Variants in COL19A1 observed in about 807,000 individuals in gnomAD.
COL19A1 encodes the protein collagen type XIX alpha 1 chain.
A neutral mutation model predicts 190.2 loss-of-function variants in COL19A1; 159 were observed. The ratio of observed to expected loss-of-function variants is 0.84; its 90% CI spans 0.73 to 0.95. The LOEUF (loss-of-function observed/expected upper bound fraction) is 0.95. Among genes scored for constraint, COL19A1 ranks in the 40% least tolerant of loss-of-function variants. The pLI is 0.00. For synonymous variants in COL19A1, 509 were observed against 458.9 expected, an observed-to-expected ratio of 1.11 and a Z score of -1.39; for missense variants, 1,418 against 1,431.9, an observed-to-expected ratio of 0.99 and a Z score of 0.16.
In COL19A1 at chr6:70,156,234, G is replaced by A. The variant is rs907030048; in HGVS notation, c.2184+3G>A. The A allele has an allele frequency of 6.2e-7, 1 of 1,613,206 alleles. No homozygotes were observed. Among genetic ancestry groups the A allele is most frequent in the Admixed American group, 1.7e-5 (1 of 59,874 alleles). On this transcript the variant is annotated splice_donor_region_variant and intron_variant, in intron 32 of 50. Coordinates refer to ENST00000620364, the MANE Select transcript of COL19A1 (RefSeq NM_001858.6). ...AGTATGATTCCATGGCCCGGAAGGT[G>A]AGAAGCCTGGCTGAATGTTTACGAT...
At chr6:70,108,248 G>A (rs1311517016) in intron 16 of COL19A1, among the ~76,000 whole-genome samples, 2 of 152,070 alleles carry the variant, frequency 1.3e-5, no homozygotes, top group Non-Finnish European at 2.9e-5. Flanking sequence ...ATTTAAAATT[G>A]TGTTATTATT....
intron 15 of COL19A1, among the ~76,000 whole-genome samples, chr6:70,083,291 A>T (rs1160994075): frequency 6.6e-6 from 1 of 152,204 alleles, no homozygotes; most frequent in Non-Finnish European, 1.5e-5. Context: ...GGGAATCTTT[A>T]TGTGCCTTAT....
intron 4 of COL19A1, among the ~76,000 whole-genome samples, chr6:69,925,300 A>G (rs964660365): frequency 3.3e-5 from 5 of 152,180 alleles, no homozygotes; most frequent in African/African-American, 9.7e-5. Context: ...AGCTTTCTAC[A>G]TATGGCAAGC....
At chr6:70,033,827 G>A (rs1279978452) in intron 12 of COL19A1, among the ~76,000 whole-genome samples, 1 of 151,996 alleles carries the variant, frequency 6.6e-6, no homozygotes, top group African/African-American at 2.4e-5. Context: ...TCTTGATAGA[G>A]ACATAAAAAT....
At chr6:70,044,866 A>G (rs1285736097) in intron 14 of COL19A1, among the ~76,000 whole-genome samples, 6 of 152,084 alleles carry the variant, frequency 3.9e-5, no homozygotes, top group Non-Finnish European at 8.8e-5. Context: ...TGTTAAGACT[A>G]TCATGTGAAT....
intron 18 of COL19A1, among the ~76,000 whole-genome samples, chr6:70,135,754 G>A (rs1182855639): frequency 2.0e-5 from 3 of 152,208 alleles, no homozygotes; most frequent in Non-Finnish European, 2.9e-5. Flanking sequence ...AGGGATGTTA[G>A]TTTGGCAGAA....
At chr6:70,037,017 C>A (rs888471455) in intron 14 of COL19A1, among the ~76,000 whole-genome samples, 2 of 152,066 alleles carry the variant, frequency 1.3e-5, no homozygotes, top group African/African-American at 4.8e-5. Context: ...AAATAGATAA[C>A]TTACTTGGGG....
At chr6:70,174,572 CA>C (rs1190389546) in intron 41 of COL19A1, among the ~76,000 whole-genome samples, 1 of 139,366 alleles carries the variant, frequency 7.2e-6, no homozygotes, top group African/African-American at 2.6e-5. Context: ...AAAAAAAAAA[CA>C]AAAAAAACAG....
intron 11 of COL19A1, among the ~76,000 whole-genome samples, chr6:69,995,176 A>G (rs1255110468): frequency 6.6e-6 from 1 of 152,198 alleles, no homozygotes; most frequent in Non-Finnish European, 1.5e-5. Flanking sequence ...CCTTGCCAAC[A>G]TGTTCCATTG....
rs893966318 is a variant in COL19A1, at chr6:70,209,303, T to G, written c.*2029T>G. The G allele has an allele frequency of 2.0e-5, 3 of 152,584 alleles. No individual in the cohort carries two copies. Among genetic ancestry groups the G allele is most frequent in the African/African-American group, 7.2e-5 (3 of 41,456 alleles). 9.5% of individuals were successfully genotyped at this position (152,584 alleles called of 1,614,324 possible). A position where few individuals can be genotyped will look rare whatever the true frequency, so the allele number is the denominator to read the frequency against. The stretch of plus-strand genomic sequence containing the variant: ...TATTTTATATGTTTTCAAAGATTAT[T>G]TTTTCATATTAATAGGTTGTTTATC... On this transcript the variant is annotated 3_prime_UTR_variant, in exon 51 of 51. Coordinates refer to ENST00000620364, the MANE Select transcript of COL19A1 (RefSeq NM_001858.6).
intron 4 of COL19A1, 25 bp downstream of exon 4, chr6:69,900,363 T>C: frequency 8.4e-7 from 1 of 1,184,550 alleles, no homozygotes; most frequent in East Asian, 2.7e-5. Context: ...ATTTTCTTTA[T>C]GTTTAATAAT....
At chr6:70,079,308 A>G (rs895350116) in intron 15 of COL19A1, among the ~76,000 whole-genome samples, 3 of 152,224 alleles carry the variant, frequency 2.0e-5, no homozygotes, top group Non-Finnish European at 4.4e-5. Context: ...TTTGAAGCCT[A>G]CAGCATTAGG....
intron 14 of COL19A1, among the ~76,000 whole-genome samples, chr6:70,051,682 G>C (rs898605619): frequency 6.6e-6 from 1 of 151,866 alleles, no homozygotes; most frequent in Non-Finnish European, 1.5e-5. Flanking sequence ...TACCTCCCTC[G>C]TAAGACATGC....
At chr6:70,082,150 T>C (rs1411983428) in intron 15 of COL19A1, among the ~76,000 whole-genome samples, 1 of 152,206 alleles carries the variant, frequency 6.6e-6, no homozygotes, top group Non-Finnish European at 1.5e-5. Flanking sequence ...GAATGTTGAA[T>C]TTATTTATTT....
chr6:69,934,550 G>T (rs1174655994), intron 7 of COL19A1, among the ~76,000 whole-genome samples: 2 of 151,874 alleles, frequency 1.3e-5, no homozygotes, highest in Non-Finnish European at 2.9e-5. Flanking sequence ...AATTGTTTAA[G>T]AAGTATAGGT....
At chr6:69,879,965 T>C (rs989601372) in intron 2 of COL19A1, 2 of 379,156 alleles carry the variant, frequency 5.3e-6, no homozygotes, top group Non-Finnish European at 4.7e-6. Flanking sequence ...CCCTTTCCTC[T>C]TCAATAATTA....
intron 11 of COL19A1, among the ~76,000 whole-genome samples, chr6:69,978,254 T>C (rs79479192): frequency 2.0e-5 from 3 of 151,924 alleles, no homozygotes; most frequent in Non-Finnish European, 2.9e-5. Flanking sequence ...CATACATATA[T>C]AGAGAGAGAG....
intron 16 of COL19A1, among the ~76,000 whole-genome samples, chr6:70,115,401 G>A (rs1784504901): frequency 6.6e-6 from 1 of 152,130 alleles, no homozygotes; most frequent in South Asian, 2.1e-4. Flanking sequence ...GCATTTTACA[G>A]TCACATTACC....
intron 9 of COL19A1, among the ~76,000 whole-genome samples, chr6:69,952,352 A>G (rs781153468): frequency 1.3e-5 from 2 of 151,840 alleles, no homozygotes; most frequent in Non-Finnish European, 2.9e-5. Flanking sequence ...CAGCTCAATC[A>G]TGGGCACTCT....
Sources: allele counts gnomAD v4.1 joint callset (sites outside exome capture counted in the v4.1 genomes callset), GRCh38; gene constraint gnomAD v4.1.1; transcripts MANE v1.5; gene names NCBI Gene and HGNC (gene_info 2026-07-23, HGNC 2026-07-21).